GPATCH8: variants seen among roughly 807,000 people sequenced by gnomAD.
GPATCH8 encodes the protein G patch domain-containing protein 8.
Under a neutral mutation model 118.3 loss-of-function variants are expected in GPATCH8, and 18 were observed. That is an observed-to-expected ratio of 0.15 (90% CI 0.11 to 0.23). The LOEUF is 0.23. Ranked by LOEUF, GPATCH8 falls within the 10% of genes least tolerant of loss-of-function variation. GPATCH8 has a pLI of 1.00. For missense variants in GPATCH8, 1,631 were observed against 1,873.8 expected (o/e 0.87, Z 2.39); for synonymous variants, 659 against 684.7 (o/e 0.96, Z 0.59).
chr17:44,413,033 T>C (rs149309713), intron 6 of GPATCH8, among the ~76,000 whole-genome samples: 4 of 152,318 alleles, frequency 2.6e-5, no homozygotes, highest in South Asian at 4.1e-4. Flanking sequence ...GGAGAGAATA[T>C]AGAATGTTTC....
intron 4 of GPATCH8, among the ~76,000 whole-genome samples, chr17:44,435,970 A>G (rs928065347): frequency 7.3e-6 from 1 of 137,042 alleles, no homozygotes; most frequent in Non-Finnish European, 1.5e-5. Context: ...CGGAGGTTGC[A>G]GTGAGCCGAG....
At chr17:44,441,649 G>T (rs1242704492) in intron 3 of GPATCH8, among the ~76,000 whole-genome samples, 1 of 151,818 alleles carries the variant, frequency 6.6e-6, no homozygotes, top group Admixed American at 6.6e-5. Flanking sequence ...ACTTTAACCC[G>T]GGAGGCAGAG....
Position 44,400,031 on chromosome 17 carries a change from T to G in GPATCH8, c.2046A>C (p.Lys682Asn). 6.2e-7 allele frequency: 1 copy of G among 1,614,126 alleles called. No homozygotes were observed. Among genetic ancestry groups the G allele is most frequent in the Non-Finnish European group, 8.5e-7 (1 of 1,180,012 alleles). The change falls in exon 8 of 8, where the codon AAA becomes AAC. Residue 682 changes from lysine to asparagine, a missense_variant. Physicochemically the swap from Lys to Asn is moderately conservative, Grantham distance 94 (BLOSUM62 0). Around this residue, in one of 8 missense-constraint regions of GPATCH8, gnomAD observed 922 missense variants for 879.7 expected, o/e 1.05. Coordinates refer to ENST00000591680, the MANE Select transcript of GPATCH8 (RefSeq NM_001002909.4). ...GTTTACGTTTGTGTTTGCTGGATTT[T>G]TTGTGCTTCTTTTTCTTTTTGTGCC... ...SHRHKKKKKH[K>N]KSSKHKRKHK...
chr17:44,482,570 T>C (rs1443722581), intron 1 of GPATCH8, among the ~76,000 whole-genome samples: 5 of 72,170 alleles, frequency 6.9e-5, no homozygotes, highest in African/African-American at 1.6e-4. Context: ...CCAGACTCCA[T>C]CTCAAAAAAA....
intron 5 of GPATCH8, among the ~76,000 whole-genome samples, chr17:44,431,378 GAAAAAAAA>G (rs776468380): frequency 4.2e-5 from 2 of 47,808 alleles, no homozygotes; most frequent in African/African-American, 7.0e-5. Context: ...TCTCAAAAAG[GAAAAAAAA>G]AAAAAAAAAA....
intron 1 of GPATCH8, among the ~76,000 whole-genome samples, chr17:44,481,618 A>AC (rs1482279814): frequency 6.6e-6 from 1 of 152,116 alleles, no homozygotes; most frequent in Non-Finnish European, 1.5e-5. Flanking sequence ...CTTTTTTTTC[A>AC]CCGTCTTATG....
At chr17:44,411,223 C>G (rs2049417215) in intron 6 of GPATCH8, among the ~76,000 whole-genome samples, 1 of 152,176 alleles carries the variant, frequency 6.6e-6, no homozygotes, top group Admixed American at 6.6e-5. Flanking sequence ...AATACGGCCT[C>G]TTTCTATAGT....
At position 44,397,634 on chromosome 17, in the gene GPATCH8, A is replaced by G; in HGVS notation, c.4443T>C (p.Leu1481=). ...AGAAGATGGGGTGAAGTAGTGGGTG[A>G]AGGTGAAGTGCAGTGGCAGCTGCTG... The part of the protein sequence containing the change: ...PAAAAATALH[L]HPLLHPIFSG... The change falls in exon 8 of 8, where the codon CTT becomes CTC. Residue 1481 remains leucine (L), a synonymous_variant. Transcript: ENST00000591680. The G allele has an allele frequency of 1.9e-6, 3 of 1,613,726 alleles. No individual in the cohort carries two copies. The highest frequency in any genetic ancestry group is 2.5e-6 in the Non-Finnish European group (3 of 1,179,768).
chr17:44,432,924 C>T (rs956864364), intron 5 of GPATCH8, among the ~76,000 whole-genome samples: 1 of 152,084 alleles, frequency 6.6e-6, no homozygotes, highest in African/African-American at 2.4e-5. Context: ...CTGCTGTCTT[C>T]AACTCCTGGG....
Position 44,397,968 on chromosome 17 carries a change from G to A in GPATCH8, c.4109C>T (p.Thr1370Ile). 6.2e-7 allele frequency: 1 copy of A among 1,614,070 alleles called. No homozygotes were observed. The highest frequency in any genetic ancestry group is 1.1e-5 in the South Asian group (1 of 91,078). Reference protein sequence around the residue: ...HIQQPATASATSITTVQHAIL... With the variant: ...HIQQPATASAISITTVQHAIL... ...GGCATGCTGAACAGTTGTGATGGAG[G>A]TGGCAGAGGCTGTAGCTGGCTGCTG... The change falls in exon 8 of 8, where the codon ACC becomes ATC. Residue 1370 changes from threonine (T) to isoleucine (I), a missense_variant. Coordinates refer to ENST00000591680, the MANE Select transcript of GPATCH8 (RefSeq NM_001002909.4).
chr17:44,492,650 T>C (rs1969346638), intron 1 of GPATCH8, among the ~76,000 whole-genome samples: 1 of 152,006 alleles, frequency 6.6e-6, no homozygotes, highest in Non-Finnish European at 1.5e-5. Flanking sequence ...TTGGATTAGA[T>C]AAATATCTTC....
chr17:44,490,422 A>C (rs1204426039), intron 1 of GPATCH8, among the ~76,000 whole-genome samples: 1 of 152,184 alleles, frequency 6.6e-6, no homozygotes, highest in African/African-American at 2.4e-5. Context: ...CCTATATTAC[A>C]GCATTCCTAA....
Position 44,477,706 on chromosome 17 carries a change from CA to C in GPATCH8, c.46-2804del, listed in dbSNP as rs377109592. ...ACAGGAGGAGTATGTTTTCCAAAGA[CA>C]AAAAAAAAAAGGACTTAAAAGTGGG... On this transcript the variant is annotated intron_variant, in intron 1 of 7. Transcript: ENST00000591680. Among the ~76,000 whole-genome samples, 768 of 115,542 alleles carry C rather than the reference CA, an allele frequency of 6.6e-3. 3 individuals carry two copies. Among genetic ancestry groups the C allele is most frequent in the Middle Eastern group, 0.028 (6 of 214 alleles). 75.8% of individuals were successfully genotyped at this position (115,542 alleles called of 152,430 possible). A position where few individuals can be genotyped will look rare whatever the true frequency, so the allele number is the denominator to read the frequency against.
intron 3 of GPATCH8, among the ~76,000 whole-genome samples, chr17:44,444,729 C>T (rs750432369): frequency 6.6e-6 from 1 of 152,212 alleles, no homozygotes; most frequent in Non-Finnish European, 1.5e-5. Flanking sequence ...GCCGAGATCA[C>T]ACCATTGCAC....
intron 6 of GPATCH8, among the ~76,000 whole-genome samples, chr17:44,411,593 C>T (rs2143763655): frequency 6.6e-6 from 1 of 152,278 alleles, no homozygotes; most frequent in South Asian, 2.1e-4. Context: ...ATATTTCCTA[C>T]TGCCACTAAA....
At chr17:44,438,228 A>C (rs763578895) in intron 3 of GPATCH8, among the ~76,000 whole-genome samples, 6 of 152,190 alleles carry the variant, frequency 3.9e-5, no homozygotes, top group Non-Finnish European at 7.4e-5. Flanking sequence ...AAAGCAATTT[A>C]TTTTGGTATC....
intron 1 of GPATCH8, among the ~76,000 whole-genome samples, chr17:44,490,183 C>T (rs888458883): frequency 1.3e-5 from 2 of 151,558 alleles, no homozygotes; most frequent in Non-Finnish European, 1.5e-5. Context: ...TGGTGTGCAC[C>T]TGTAGTCTCA....
chr17:44,433,925 G>T (rs1331805527), intron 5 of GPATCH8, among the ~76,000 whole-genome samples: 2 of 152,086 alleles, frequency 1.3e-5, no homozygotes, highest in Non-Finnish European at 2.9e-5. Context: ...GATCACGTGA[G>T]GTAAGGAGTT....
chr17:44,439,714 T>C lies in GPATCH8; in HGVS notation c.194-3169A>G, dbSNP rs16970736. Among the ~76,000 whole-genome samples, 454 of 152,254 alleles carry C rather than the reference T, an allele frequency of 3.0e-3. 5 individuals are homozygous for C. Among genetic ancestry groups the C allele is most frequent in the African/African-American group, 0.01 (435 of 41,546 alleles). On this transcript the variant is annotated intron_variant, in intron 3 of 7. Transcript: ENST00000591680. ...ATCACTTACAATATCTGAATACCAA[T>C]TTGTAGTGATGACCTCAAAAGGTAG... is the stretch of plus-strand genomic sequence containing the variant.
Sources: allele counts gnomAD v4.1 joint callset (sites outside exome capture counted in the v4.1 genomes callset), GRCh38; gene constraint gnomAD v4.1.1; regional missense constraint gnomAD v4.1.1; transcripts MANE v1.5; gene names NCBI Gene and HGNC (gene_info 2026-07-23, HGNC 2026-07-21).